STK32B: variants seen among roughly 807,000 people sequenced by gnomAD.
STK32B encodes the protein serine/threonine-protein kinase 32B.
STK32B carries 43 observed loss-of-function variants against 52.6 expected under a neutral mutation model. The ratio of observed to expected loss-of-function variants is 0.82; its 90% CI spans 0.64 to 1.05. STK32B has a LOEUF of 1.05. STK32B is among the 50% of genes least tolerant of loss of function. The pLI, the probability that STK32B is intolerant of heterozygous loss-of-function variation, is 0.00. For synonymous variants in STK32B, 238 were observed against 204.3 expected, an observed-to-expected ratio of 1.17 and a Z score of -1.41; for missense variants, 621 against 534.6, an observed-to-expected ratio of 1.16 and a Z score of -1.59.
At chr4:5,254,241 C>A (rs928231153) in intron 3 of STK32B, among the ~76,000 whole-genome samples, 3 of 152,066 alleles carry the variant, frequency 2.0e-5, no homozygotes, top group Admixed American at 6.6e-5. Flanking sequence ...TCTGTAATGT[C>A]CCCTTTTCCA....
intron 3 of STK32B, among the ~76,000 whole-genome samples, chr4:5,239,295 A>C (rs1278610595): frequency 6.6e-6 from 1 of 152,178 alleles, no homozygotes; most frequent in Non-Finnish European, 1.5e-5. Context: ...TGGGCAAATA[A>C]TGCATGGGTG....
At chr4:5,457,853 CAA>C (rs945909665) in intron 8 of STK32B, among the ~76,000 whole-genome samples, 2 of 125,918 alleles carry the variant, frequency 1.6e-5, no homozygotes, top group Non-Finnish European at 3.2e-5. Flanking sequence ...GCCTGGGCAA[CAA>C]GAGCAAAACT....
At chr4:5,238,210 G>C (rs900257026) in intron 3 of STK32B, among the ~76,000 whole-genome samples, 1 of 152,138 alleles carries the variant, frequency 6.6e-6, no homozygotes, top group African/African-American at 2.4e-5. Context: ...CACGGTGTCA[G>C]CAGAGCTGTG....
chr4:5,466,930 A>T (rs1717486441), intron 10 of STK32B, 96 bp downstream of exon 10: 15 of 1,448,348 alleles, frequency 1.0e-5, no homozygotes, highest in Non-Finnish European at 1.4e-5. Context: ...GGGACATTTC[A>T]ATCCTCCCTT....
intron 11 of STK32B, among the ~76,000 whole-genome samples, chr4:5,476,968 C>T (rs1174821982): frequency 6.6e-6 from 1 of 151,988 alleles, no homozygotes; most frequent in Non-Finnish European, 1.5e-5. Flanking sequence ...CCCTGCAACC[C>T]TCTAAGGAAG....
Position 5,331,364 on chromosome 4 carries a change from G to A in STK32B, c.405G>A (p.Glu135=), listed in dbSNP as rs16837029. Residue 135 remains glutamate (E), a synonymous_variant, in exon 4 of 12, where the codon GAG becomes GAA. Coordinates refer to ENST00000282908, the MANE Select transcript of STK32B (RefSeq NM_018401.3). The part of the protein sequence containing the change: ...LYICELALAL[E]YLQRYHIIHR... ...TCTGTGAGCTGGCACTGGCCCTGGAGTATCTTCAGAGGTACCACATCATCC... is the reference window on the plus strand; with the variant it reads ...TCTGTGAGCTGGCACTGGCCCTGGAATATCTTCAGAGGTACCACATCATCC... 57,681 of 1,613,382 alleles carry A rather than the reference G, an allele frequency of 0.036. 1,893 individuals are homozygous for A. Among genetic ancestry groups the A allele is most frequent in the African/African-American group, 0.17 (12,801 of 74,958 alleles).
intron 4 of STK32B, among the ~76,000 whole-genome samples, chr4:5,358,690 T>G (rs958560451): frequency 1.5e-5 from 2 of 135,204 alleles, no homozygotes; most frequent in Admixed American, 8.4e-5. Flanking sequence ...CCAGGACACA[T>G]TCACACACAT....
At chr4:5,228,755 G>A (rs1397657910) in intron 3 of STK32B, among the ~76,000 whole-genome samples, 1 of 152,160 alleles carries the variant, frequency 6.6e-6, no homozygotes, top group African/African-American at 2.4e-5. Context: ...ATCACCTGAG[G>A]TCAAGAGTTT....
At position 5,492,939 on chromosome 4, in the gene STK32B, G is replaced by T. The variant is rs377728328; in HGVS notation, c.1107-6006G>T. The stretch of plus-strand genomic sequence containing the variant: ...CAGGGATGAAGCCCACTTGATCATG[G>T]TGGATAAGCTTTTTGATGTGCTGCT... On this transcript the variant is annotated intron_variant, in intron 11 of 11. Coordinates refer to ENST00000282908, the MANE Select transcript of STK32B (RefSeq NM_018401.3). Among the ~76,000 whole-genome samples the T allele has an allele frequency of 1.4e-4, 21 of 151,232 alleles. No individual in the cohort carries two copies. In the East Asian group the frequency reaches 3.9e-3, roughly 28 times the overall value.
At chr4:5,276,184 G>T (rs778221211) in intron 3 of STK32B, among the ~76,000 whole-genome samples, 2 of 152,026 alleles carry the variant, frequency 1.3e-5, no homozygotes, top group Non-Finnish European at 2.9e-5. Context: ...GGCTGCTTGG[G>T]AGGCTTAGGC....
chr4:5,170,596 G>A (rs1229742909), intron 3 of STK32B, among the ~76,000 whole-genome samples: 5 of 152,088 alleles, frequency 3.3e-5, no homozygotes, highest in African/African-American at 1.2e-4. Context: ...TGCTGAGAAT[G>A]ATGGTTTCCA....
intron 6 of STK32B, among the ~76,000 whole-genome samples, chr4:5,443,505 C>G (rs141314911): frequency 0.09 from 13,655 of 151,950 alleles, 971 homozygotes; most frequent in East Asian, 0.4. Context: ...ATACATTCTT[C>G]TACATTTTTT....
At chr4:5,059,129 C>A (rs2108756611) in intron 1 of STK32B, among the ~76,000 whole-genome samples, 1 of 130,168 alleles carries the variant, frequency 7.7e-6, no homozygotes, top group Middle Eastern at 5.8e-3. Flanking sequence ...TCTTGAATTC[C>A]TGTGTGCAAG....
intron 3 of STK32B, among the ~76,000 whole-genome samples, chr4:5,215,568 G>T (rs533588680): frequency 5.3e-5 from 8 of 152,204 alleles, no homozygotes; most frequent in African/African-American, 1.9e-4. Flanking sequence ...ATGGCTTCCT[G>T]TTTGGAATTA....
intron 1 of STK32B, among the ~76,000 whole-genome samples, chr4:5,133,519 T>C (rs912905350): frequency 6.6e-6 from 1 of 152,166 alleles, no homozygotes; most frequent in African/African-American, 2.4e-5. Context: ...AACACAGCAC[T>C]ACCTGCCTGG....
chr4:5,183,515 A>C (rs2108755492), intron 3 of STK32B, among the ~76,000 whole-genome samples: 1 of 151,968 alleles, frequency 6.6e-6, no homozygotes, highest in East Asian at 1.9e-4. Flanking sequence ...ATAAAATAAA[A>C]CCGGCCATTG....
At chr4:5,037,660 C>A in the STK32B span, among the ~76,000 whole-genome samples, 1 of 152,086 alleles carries the variant, frequency 6.6e-6, no homozygotes, top group African/African-American at 2.4e-5. Context: ...CAAAGCAAAC[C>A]CTCTTTCCCG....
At chr4:5,122,109 TACTC>T (rs529055505) in intron 1 of STK32B, among the ~76,000 whole-genome samples, 225 of 152,010 alleles carry the variant, frequency 1.5e-3, no homozygotes, top group South Asian at 4.4e-3. Flanking sequence ...CTCATTCACT[TACTC>T]ACCCATTCAT....
intron 1 of STK32B, among the ~76,000 whole-genome samples, chr4:5,065,764 C>A (rs1742397040): frequency 6.6e-6 from 1 of 152,092 alleles, no homozygotes; most frequent in African/African-American, 2.4e-5. Flanking sequence ...TGCTCTGTTG[C>A]CCAGGCTGGA....
Sources: allele counts gnomAD v4.1 joint callset (sites outside exome capture counted in the v4.1 genomes callset), GRCh38; gene constraint gnomAD v4.1.1; transcripts MANE v1.5; gene names NCBI Gene and HGNC (gene_info 2026-07-23, HGNC 2026-07-21).